GNAS: variants seen among roughly 807,000 people sequenced by gnomAD.
The protein encoded by GNAS is protein ALEX.
Under a neutral mutation model 54.5 loss-of-function variants are expected in GNAS, and 8 were observed. That is an observed-to-expected ratio of 0.15 (90% CI 0.09 to 0.26). The LOEUF (loss-of-function observed/expected upper bound fraction) is 0.26. Ranked by LOEUF, GNAS falls within the 10% of genes least tolerant of loss-of-function variation. GNAS has a pLI of 1.00. For synonymous variants in GNAS, 204 were observed against 191.4 expected (o/e 1.07, Z -0.54); for missense variants, 170 against 529.8 (o/e 0.32, Z 6.67).
chr20:58,853,344 G>A lies in GNAS; in HGVS notation c.43+12458G>A, dbSNP rs779802307. The A allele has an allele frequency of 7.1e-6, 11 of 1,551,440 alleles. No homozygotes were observed. The South Asian group carries it at 9.5e-5, about 13-fold the overall frequency. The stretch of plus-strand genomic sequence containing the variant: ...CCCCCCTGAAATCGGGGAACAGCCC[G>A]AGCAACCACCTTTGGAGGCCCCAGG... On this transcript the variant is annotated intron_variant, in intron 1 of 12. Coordinates refer to the GNAS transcript ENST00000306090. The surrounding 1 kb of genome is among the most constrained non-coding windows in gnomAD (Gnocchi z 4.4).
At chr20:58,840,140 C>T (rs2085661524), upstream of GNAS, 3 of 1,611,410 alleles carry the variant, frequency 1.9e-6, no homozygotes, top group African/African-American at 1.3e-5. This position sits in a 1 kb window ranked among gnomAD's most constrained non-coding sequence, Gnocchi z 6.0. Flanking sequence ...GCAGTGGCGC[C>T]GAGCTCGCCA....
At chr20:58,902,165 C>T (rs1295549358) in intron 3 of GNAS, among the ~76,000 whole-genome samples, 3 of 152,010 alleles carry the variant, frequency 2.0e-5, no homozygotes, top group African/African-American at 4.8e-5. Context: ...GAGGCAGGAC[C>T]GTAGCACCTT....
chr20:58,853,185 T>C lies in GNAS; in HGVS notation c.43+12299T>C, dbSNP rs1254652803. ...TGGTACTTTGATTTTAAAATAATAA[T>C]AATAATTTTTTCACCCTAGTTCGGT... On this transcript the variant is annotated intron_variant, in intron 1 of 12. Coordinates refer to the GNAS transcript ENST00000306090. This position sits in a 1 kb window ranked among gnomAD's most constrained non-coding sequence, Gnocchi z 4.4. The C allele has an allele frequency of 6.9e-7, 1 of 1,449,180 alleles. No homozygotes were observed. Among genetic ancestry groups the C allele is most frequent in the African/African-American group, 1.4e-5 (1 of 69,578 alleles). The allele number at this position is 1,449,180 out of a possible 1,614,324, so 89.8% of individuals were successfully genotyped here.
upstream of GNAS, chr20:58,889,169 C>T (rs1426660283): frequency 2.5e-6 from 3 of 1,214,884 alleles, no homozygotes; most frequent in African/African-American, 1.6e-5. Context: ...TGCTCCCCGG[C>T]GGGGACACTC....
intron 1 of GNAS, chr20:58,855,435 G>A: frequency 9.5e-7 from 1 of 1,057,856 alleles, no homozygotes; most frequent in Non-Finnish European, 1.4e-6. Context: ...AGTGGGAGGA[G>A]GGGGTCCAGC....
At chr20:58,897,281 A>G (rs943518431) in intron 2 of GNAS, among the ~76,000 whole-genome samples, 5 of 152,226 alleles carry the variant, frequency 3.3e-5, no homozygotes, top group Admixed American at 2.0e-4. Flanking sequence ...CCATCCTGAC[A>G]ATAAATAAAT....
At chr20:58,874,803 C>G (rs762516542) in intron 1 of GNAS, among the ~76,000 whole-genome samples, 2 of 152,200 alleles carry the variant, frequency 1.3e-5, no homozygotes, top group Non-Finnish European at 2.9e-5. Context: ...AGCTTTGGGT[C>G]TCTTTTGTTT....
intron 1 of GNAS, chr20:58,895,164 G>C: frequency 3.8e-6 from 1 of 261,286 alleles, no homozygotes; most frequent in Non-Finnish European, 7.5e-6. Context: ...GGGAATCCCG[G>C]GTATTTTAAC....
At chr20:58,875,270 T>G (rs1185389480) in intron 1 of GNAS, among the ~76,000 whole-genome samples, 1 of 152,148 alleles carries the variant, frequency 6.6e-6, no homozygotes, top group Non-Finnish European at 1.5e-5. Flanking sequence ...ATCTGAAAAG[T>G]GATTTGGCCC....
At position 58,903,674 on chromosome 20, in the gene GNAS, C is replaced by T. The variant is rs753225630; in HGVS notation, c.315C>T (p.Thr105=). ...CCGCTTTGCTAAATCATTTTCAGAC[C>T]ATTGTGGCCGCCATGAGCAACCTGG... ...IKNNLKEAIE[T]IVAAMSNLVP... Residue 105 remains threonine (T), a splice_region_variant and synonymous_variant, in exon 5 of 13, where the codon ACC becomes ACT. Transcript: ENST00000371085. 1.2e-6 allele frequency: 2 copies of T among 1,614,106 alleles called. No homozygotes were observed. The highest frequency in any genetic ancestry group is 1.7e-6 in the Non-Finnish European group (2 of 1,180,002).
chr20:58,866,105 T>C (rs1006761554), intron 1 of GNAS, among the ~76,000 whole-genome samples: 8 of 152,290 alleles, frequency 5.3e-5, no homozygotes, highest in South Asian at 2.1e-4. Context: ...ACTTTATATG[T>C]GTTCCCCAAA....
At chr20:58,880,634 C>T (rs2088167313) in intron 1 of GNAS, among the ~76,000 whole-genome samples, 1 of 152,186 alleles carries the variant, frequency 6.6e-6, no homozygotes, top group South Asian at 2.1e-4. Flanking sequence ...CAATTACTAT[C>T]AATTACAATG....
At chr20:58,883,748 T>A (rs760736054) in intron 1 of GNAS, among the ~76,000 whole-genome samples, 1 of 151,836 alleles carries the variant, frequency 6.6e-6, no homozygotes, top group Non-Finnish European at 1.5e-5. Flanking sequence ...GGAGGCTACA[T>A]GGAAATCAAG....
At chr20:58,845,621 G>T (rs2085914976) in intron 1 of GNAS, among the ~76,000 whole-genome samples, 1 of 151,756 alleles carries the variant, frequency 6.6e-6, no homozygotes, top group African/African-American at 2.4e-5. Flanking sequence ...CATATCAAAA[G>T]GCCATATGTG....
At position 58,910,590 on chromosome 20, in the gene GNAS, G is replaced by A. The variant is rs553292177; in HGVS notation, c.1039-93G>A. 1.5e-5 allele frequency: 22 copies of A among 1,472,716 alleles called. No individual in the cohort carries two copies. The South Asian group carries it at 2.4e-4, about 16-fold the overall frequency. 91.2% of individuals were successfully genotyped at this position (1,472,716 alleles called of 1,614,324 possible). On this transcript the variant is annotated intron_variant, in intron 12 of 12. Coordinates refer to ENST00000371085, the MANE Select transcript of GNAS (RefSeq NM_000516.7). This position sits in a 1 kb window ranked among gnomAD's most constrained non-coding sequence, Gnocchi z 5.8. ...TTGTTTTCATATGACATCAGAGGCT[G>A]GCTGACAGCCGTCCCTGGTAGGTGT...
chr20:58,891,332 C>CT (rs2089264345), upstream of GNAS: 1 of 147,176 alleles, frequency 6.8e-6, no homozygotes, highest in African/African-American at 2.5e-5. Context: ...CTCCCCCCGC[C>CT]TCCCCCCGCC....
chr20:58,847,766 T>C (rs1165016565), intron 1 of GNAS, among the ~76,000 whole-genome samples: 1 of 152,168 alleles, frequency 6.6e-6, no homozygotes, highest in Non-Finnish European at 1.5e-5. Context: ...CCCTTCCCTC[T>C]CTCTACTTTG....
At chr20:58,901,939 G>C (rs1182312487) in intron 3 of GNAS, among the ~76,000 whole-genome samples, 2 of 149,318 alleles carry the variant, frequency 1.3e-5, no homozygotes, top group East Asian at 3.9e-4. Context: ...TGCCTTAACT[G>C]TCGTGTTCTA....
chr20:58,860,786 G>A (rs997023421), intron 1 of GNAS, among the ~76,000 whole-genome samples: 16 of 151,968 alleles, frequency 1.1e-4, no homozygotes, highest in African/African-American at 3.6e-4. Context: ...TCAGCCTCTC[G>A]AATAGCTGGG....
Sources: allele counts gnomAD v4.1 joint callset (sites outside exome capture counted in the v4.1 genomes callset), GRCh38; gene constraint gnomAD v4.1.1; non-coding constraint Gnocchi (gnomAD v3.1); transcripts MANE v1.5; gene names NCBI Gene and HGNC (gene_info 2026-07-23, HGNC 2026-07-21).